The following INPP4B variants were observed in gnomAD, a reference collection of about 807,000 sequenced individuals.
INPP4B encodes inositol polyphosphate 4-phosphatase type II.
A neutral mutation model predicts 122.5 loss-of-function variants in INPP4B; 55 were observed. The ratio of observed to expected loss-of-function variants is 0.45; its 90% confidence interval spans 0.36 to 0.56. The LOEUF is 0.56. Ranked by LOEUF, INPP4B falls within the 20% of genes least tolerant of loss-of-function variation. The pLI is 0.00. For synonymous variants in INPP4B, 403 were observed against 388.7 expected (o/e 1.04, Z -0.43); for missense variants, 1,000 against 1,097.7 (o/e 0.91, Z 1.26).
At chr4:142,766,401 G>A (rs1026846315) in intron 1 of INPP4B, among the ~76,000 whole-genome samples, 1 of 151,038 alleles carries the variant, frequency 6.6e-6, no homozygotes, top group Non-Finnish European at 1.5e-5. Context: ...TTTCTGAGAT[G>A]GAGTCTCATT....
At chr4:142,477,391 A>C (rs1819920158) in intron 2 of INPP4B, among the ~76,000 whole-genome samples, 1 of 152,172 alleles carries the variant, frequency 6.6e-6, no homozygotes, top group Non-Finnish European at 1.5e-5. Flanking sequence ...GAACTAGAGA[A>C]ATAAGAGCAA....
In INPP4B at chr4:142,807,703, G is replaced by A. The variant is rs1779029855; in HGVS notation, c.-254+38506C>T. Among the ~76,000 whole-genome samples, 3 of 152,136 alleles carry A rather than the reference G, an allele frequency of 2.0e-5. No individual in the cohort carries two copies. In the South Asian group the frequency reaches 6.2e-4, roughly 32 times the overall value. The stretch of plus-strand genomic sequence containing the variant: ...ATCTTTGTGTCCTACTCAGCAACAT[G>A]CACAGTAAATTACACACAGTGACTT... On this transcript the variant is annotated intron_variant, in intron 1 of 25. Coordinates refer to ENST00000262992, the MANE Select transcript of INPP4B (RefSeq NM_001101669.3).
intron 14 of INPP4B, among the ~76,000 whole-genome samples, chr4:142,204,929 T>C (rs185680693): frequency 8.0e-4 from 122 of 152,232 alleles, no homozygotes; most frequent in African/African-American, 2.7e-3. Flanking sequence ...TGCTTTGTTA[T>C]AGTAGCCCTA....
At chr4:142,723,150 A>G (rs553388116) in intron 2 of INPP4B, among the ~76,000 whole-genome samples, 90 of 152,218 alleles carry the variant, frequency 5.9e-4, no homozygotes, top group African/African-American at 1.9e-3. Context: ...TTCAATTTAC[A>G]AAATTGTGTT....
At chr4:142,502,311 C>A (rs181402556) in intron 2 of INPP4B, among the ~76,000 whole-genome samples, 25 of 152,178 alleles carry the variant, frequency 1.6e-4, no homozygotes, top group Non-Finnish European at 3.4e-4. Flanking sequence ...TCTGCTGAAC[C>A]CAAATTTTTA....
At chr4:142,038,481 G>A (rs1288299558) in intron 25 of INPP4B, among the ~76,000 whole-genome samples, 1 of 152,156 alleles carries the variant, frequency 6.6e-6, no homozygotes, top group Non-Finnish European at 1.5e-5. Flanking sequence ...AAAAGAAAGA[G>A]CAATCTTGGG....
chr4:142,500,892 A>G (rs553298505), intron 2 of INPP4B, among the ~76,000 whole-genome samples: 1 of 152,262 alleles, frequency 6.6e-6, no homozygotes, highest in Admixed American at 6.5e-5. Flanking sequence ...AGAGATAGGG[A>G]GTTGTTCAAT....
chr4:142,114,239 T>C (rs1791776401), intron 21 of INPP4B, among the ~76,000 whole-genome samples: 1 of 152,116 alleles, frequency 6.6e-6, no homozygotes. Context: ...TATTCCATGA[T>C]TCGGCGTATT....
chr4:142,807,218 GAT>G (rs71588205), intron 1 of INPP4B, among the ~76,000 whole-genome samples: 2 of 151,974 alleles, frequency 1.3e-5, no homozygotes, highest in Non-Finnish European at 2.9e-5. Flanking sequence ...TGAAACATGG[GAT>G]ATATATATAA....
intron 25 of INPP4B, among the ~76,000 whole-genome samples, chr4:142,072,483 A>T (rs542834022): frequency 6.1e-4 from 89 of 144,832 alleles, no homozygotes; most frequent in Non-Finnish European, 8.4e-4. Context: ...ATAATAATAA[A>T]AAAAAAAGTA....
intron 16 of INPP4B, among the ~76,000 whole-genome samples, chr4:142,165,549 T>G (rs1822318881): frequency 6.6e-6 from 1 of 151,778 alleles, no homozygotes; most frequent in Admixed American, 6.6e-5. Flanking sequence ...GAATTTGTAT[T>G]TTTAGTAAAG....
chr4:142,221,365 G>C (rs1253087739), intron 12 of INPP4B, among the ~76,000 whole-genome samples: 10 of 141,814 alleles, frequency 7.1e-5, no homozygotes. Flanking sequence ...ACTCCAGCCT[G>C]GGTGACAGAG....
intron 11 of INPP4B, among the ~76,000 whole-genome samples, chr4:142,258,291 G>C (rs548112810): frequency 9.9e-5 from 15 of 152,182 alleles, no homozygotes; most frequent in African/African-American, 3.4e-4. Context: ...ACACAGGCAT[G>C]GGCAAGGACT....
At chr4:142,359,199 A>C (rs959310963) in intron 7 of INPP4B, among the ~76,000 whole-genome samples, 1 of 151,486 alleles carries the variant, frequency 6.6e-6, no homozygotes, top group South Asian at 2.1e-4. Context: ...ACTGTAAAGA[A>C]CACTGGCAAA....
intron 23 of INPP4B, among the ~76,000 whole-genome samples, chr4:142,101,071 C>T (rs1421098123): frequency 1.3e-5 from 2 of 152,004 alleles, no homozygotes; most frequent in African/African-American, 4.8e-5. Flanking sequence ...GTCTGGGAAT[C>T]CAGGCTCAAG....
intron 7 of INPP4B, among the ~76,000 whole-genome samples, chr4:142,327,343 C>T (rs912303828): frequency 6.6e-6 from 1 of 151,916 alleles, no homozygotes; most frequent in Non-Finnish European, 1.5e-5. Flanking sequence ...CATTGACAAC[C>T]TGGACTTTGA....
At position 142,642,909 on chromosome 4, in the gene INPP4B, G is replaced by T. The variant is rs187682496; in HGVS notation, c.-191+82930C>A. ...TTCTTTCTATCCATGAGCATGGAAT[G>T]TTCTTCCATTTGTTTGTGTCCTCTT... On this transcript the variant is annotated intron_variant, in intron 2 of 25. Coordinates refer to ENST00000262992, the MANE Select transcript of INPP4B (RefSeq NM_001101669.3). Among the ~76,000 whole-genome samples the T allele has an allele frequency of 2.7e-3, 404 of 152,260 alleles. 6 individuals carry two copies. Among genetic ancestry groups the T allele is most frequent in the East Asian group, 0.018 (94 of 5,180 alleles).
At chr4:142,354,584 A>G (rs1037600655) in intron 7 of INPP4B, among the ~76,000 whole-genome samples, 2 of 152,058 alleles carry the variant, frequency 1.3e-5, no homozygotes, top group African/African-American at 4.8e-5. Context: ...TCATCTAACA[A>G]AATGAGCTGG....
At chr4:142,115,496 G>A (rs900546384) in intron 21 of INPP4B, among the ~76,000 whole-genome samples, 6 of 152,120 alleles carry the variant, frequency 3.9e-5, no homozygotes, top group African/African-American at 1.4e-4. Flanking sequence ...AAGATAGTGG[G>A]GGCCAATATT....
Sources: gnomAD v4.1 joint callset for allele counts (sites outside exome capture counted in the v4.1 genomes callset) on GRCh38, gnomAD v4.1.1 for gene constraint, MANE v1.5 for transcripts, NCBI Gene and HGNC (gene_info 2026-07-23, HGNC 2026-07-21) for gene names.